Variants in IFIT1 observed in about 807,000 individuals in gnomAD.
IFIT1 encodes antiviral innate immune response effector IFIT1.
Under a neutral mutation model 2.5 loss-of-function variants are expected in IFIT1, and 1 was observed. The observed-to-expected ratio is 0.40, with a 90% CI of 0.14 to 1.92. IFIT1 has a LOEUF of 1.92. Among genes scored for constraint, IFIT1 ranks in the 40% most tolerant of loss-of-function variants. IFIT1 has a pLI of 0.31. For synonymous variants in IFIT1, 191 were observed against 201.7 expected, an observed-to-expected ratio of 0.95 and a Z score of 0.45; for missense variants, 508 against 557.8, an observed-to-expected ratio of 0.91 and a Z score of 0.90.
intron 1 of IFIT1, among the ~76,000 whole-genome samples, chr10:89,394,627 T>TAA (rs200724657): frequency 5.7e-5 from 2 of 35,096 alleles, no homozygotes; most frequent in Admixed American, 3.5e-4. Flanking sequence ...TATATATATA[T>TAA]AAAACTTGAA....
chr10:89,400,410 G>T (rs1481210160), intron 1 of IFIT1, among the ~76,000 whole-genome samples: 1 of 152,140 alleles, frequency 6.6e-6, no homozygotes, highest in Non-Finnish European at 1.5e-5. Flanking sequence ...CACGAACAAA[G>T]GATGTCCTTC....
Position 89,404,617 on chromosome 10 carries a change from A to C in IFIT1, c.*905A>C, listed in dbSNP as rs1844499175. ...CTGTAATACCCTCCCTTCCTCCAAG[A>C]GCCTGCTTTTGGTTGCTGTGGTAGG... is the stretch of plus-strand genomic sequence containing the variant. On this transcript the variant is annotated 3_prime_UTR_variant, in exon 2 of 2. Transcript: ENST00000371804. 6.6e-6 allele frequency: 1 copy of C among 152,192 alleles called. No homozygotes were observed. Among genetic ancestry groups the C allele is most frequent in the South Asian group, 2.1e-4 (1 of 4,830 alleles). The allele number at this position is 152,192 out of a possible 1,614,324, so 9.4% of individuals were successfully genotyped here. A position where few individuals can be genotyped will look rare whatever the true frequency, so the allele number is the denominator to read the frequency against.
chr10:89,399,955 G>C (rs2133625014), intron 1 of IFIT1, among the ~76,000 whole-genome samples: 1 of 152,284 alleles, frequency 6.6e-6, no homozygotes, highest in South Asian at 2.1e-4. Context: ...TCCTTGCCAG[G>C]AACCAAATTG....
intron 1 of IFIT1, among the ~76,000 whole-genome samples, chr10:89,399,323 G>T (rs1844388519): frequency 6.6e-6 from 1 of 151,964 alleles, no homozygotes; most frequent in East Asian, 1.9e-4. Context: ...TCTGTGATTT[G>T]TCTTATCACT....
chr10:89,393,261 G>T (rs1844284484), intron 1 of IFIT1: 1 of 1,289,740 alleles, frequency 7.8e-7, no homozygotes, highest in Non-Finnish European at 1.0e-6. Context: ...CTGCACTGCT[G>T]GCCTCTTACA....
chr10:89,393,189 T>C (rs1287288024), intron 1 of IFIT1: 2 of 1,290,022 alleles, frequency 1.6e-6, no homozygotes, highest in East Asian at 5.5e-5. Context: ...TTGTGGGTAA[T>C]ACAGTGGAGA....
chr10:89,405,288 T>A lies in IFIT1; in HGVS notation c.*1576T>A, dbSNP rs1301544319. 1 of 152,236 alleles carries A rather than the reference T, an allele frequency of 6.6e-6. No individual in the cohort carries two copies. The highest frequency in any genetic ancestry group is 2.4e-5 in the African/African-American group (1 of 41,468). 9.4% of individuals were successfully genotyped at this position (152,236 alleles called of 1,614,324 possible). ...TCTAGTTAAATCAAGAAATATTACA[T>A]GAAAATGTTGCTAAATCAGAGATCA... On this transcript the variant is annotated 3_prime_UTR_variant, in exon 2 of 2. Transcript: ENST00000371804.
At chr10:89,399,624 C>A (rs559216066) in intron 1 of IFIT1, among the ~76,000 whole-genome samples, 1 of 152,098 alleles carries the variant, frequency 6.6e-6, no homozygotes, top group South Asian at 2.1e-4. Flanking sequence ...GTTGAAAAGA[C>A]CATCCTTTCC....
At chr10:89,394,611 TATATATATATATATATAA>T (rs1369738912) in intron 1 of IFIT1, among the ~76,000 whole-genome samples, 345 of 16,550 alleles carry the variant, frequency 0.021, 19 homozygotes, top group African/African-American at 0.074. Context: ...TATATATATA[TATATATATATATATATAA>T]AACTTGAATT....
chr10:89,404,602 C>G lies in IFIT1; in HGVS notation c.*890C>G, dbSNP rs976169475. On this transcript the variant is annotated 3_prime_UTR_variant, in exon 2 of 2. Transcript: ENST00000371804. ...CCAACCATAAAACTTCTGTAATACC[C>G]TCCCTTCCTCCAAGAGCCTGCTTTT... is the stretch of plus-strand genomic sequence containing the variant. 6.6e-6 allele frequency: 1 copy of G among 152,246 alleles called. No individual in the cohort carries two copies. The highest frequency in any genetic ancestry group is 1.9e-4 in the East Asian group (1 of 5,196). 9.4% of individuals were successfully genotyped at this position (152,246 alleles called of 1,614,324 possible).
At chr10:89,392,743 A>G (rs772991412) in intron 1 of IFIT1, 26 bp downstream of exon 1, 4 of 1,612,742 alleles carry the variant, frequency 2.5e-6, no homozygotes, top group South Asian at 1.1e-5. Context: ...CTCCTCTGCC[A>G]TAATGTCTAA....
chr10:89,392,746 A>G (rs763031820), intron 1 of IFIT1, 29 bp downstream of exon 1: 1 of 1,612,266 alleles, frequency 6.2e-7, no homozygotes, highest in South Asian at 1.1e-5. Flanking sequence ...CTCTGCCATA[A>G]TGTCTAAAGT....
chr10:89,402,626 C>A lies in IFIT1; in HGVS notation c.351C>A (p.Tyr117Ter), dbSNP rs1386082307. 1 of 1,614,210 alleles carries A rather than the reference C, an allele frequency of 6.2e-7. No individual in the cohort carries two copies. The highest frequency in any genetic ancestry group is 8.5e-7 in the Non-Finnish European group (1 of 1,180,036). The stretch of plus-strand genomic sequence containing the variant: ...GCAGACTGGCAGAAGCCCAGACTTA[C>A]CTGGACAAGGTGGAGAACATTTGCA... The part of the protein sequence containing the change: ...HMGRLAEAQT[Y>*]LDKVENICKK... The change falls in exon 2 of 2, where the codon TAC becomes TAA. Residue 117 changes from tyrosine to a stop codon, truncating the protein, a stop_gained. Transcript: ENST00000371804. LOFTEE classifies it low-confidence loss of function (END_TRUNC).
Position 89,403,716 on chromosome 10 carries a change from C to A in IFIT1, c.*4C>A, listed in dbSNP as rs775640877. 3 of 1,485,976 alleles carry A rather than the reference C, an allele frequency of 2.0e-6. No individual in the cohort carries two copies. The African/African-American group carries it at 4.2e-5, about 21-fold the overall frequency. 92.0% of individuals were successfully genotyped at this position (1,485,976 alleles called of 1,614,324 possible). ...CTCTGTGAGACAAGGTCCTTAGGCA[C>A]CCAGATATCAGCCACTTTCACATTT... On this transcript the variant is annotated 3_prime_UTR_variant, in exon 2 of 2. Coordinates refer to ENST00000371804, the MANE Select transcript of IFIT1 (RefSeq NM_001548.5).
Position 89,402,469 on chromosome 10 carries a change from A to T in IFIT1, c.194A>T (p.Lys65Ile). The T allele has an allele frequency of 6.2e-7, 1 of 1,614,204 alleles. No homozygotes were observed. The change falls in exon 2 of 2, where the codon AAA (lysine) becomes ATA (isoleucine). Residue 65 changes from lysine to isoleucine, a missense_variant. Lys to Ile is a moderately radical substitution (Grantham distance 102). Transcript: ENST00000371804. ...HNLLAYVKHL[K>I]GQNEEALKSL... is the part of the protein sequence containing the mutation. The stretch of plus-strand genomic sequence containing the variant: ...CTACTAGCCTATGTGAAACACCTGA[A>T]AGGCCAGAATGAGGAAGCCCTGAAG...
At chr10:89,395,253 C>G (rs753183576) in intron 1 of IFIT1, among the ~76,000 whole-genome samples, 17 of 148,556 alleles carry the variant, frequency 1.1e-4, no homozygotes, top group Non-Finnish European at 2.2e-4. Flanking sequence ...GACCCCTTGG[C>G]AAAATTGCAC....
chr10:89,392,786 TCAACAGG>T, intron 1 of IFIT1, 69 bp downstream of exon 1: 1 of 1,517,224 alleles, frequency 6.6e-7, no homozygotes, highest in Non-Finnish European at 9.2e-7. Context: ...AAATACTATT[TCAACAGG>T]TTAGATCTCA....
Position 89,402,686 on chromosome 10 carries a change from G to C in IFIT1, c.411G>C (p.Glu137Asp). ...KLSNPFRYRM[E>D]CPEIDCEEGW... ...CAAATCCCTTCCGCTATAGAATGGA[G>C]TGTCCAGAAATAGACTGTGAGGAAG... Residue 137 changes from glutamate to aspartate, a missense_variant, in exon 2 of 2, where the codon GAG becomes GAC. Coordinates refer to ENST00000371804, the MANE Select transcript of IFIT1 (RefSeq NM_001548.5). 1 of 1,614,198 alleles carries C rather than the reference G, an allele frequency of 6.2e-7. No individual in the cohort carries two copies. The highest frequency in any genetic ancestry group is 8.5e-7 in the Non-Finnish European group (1 of 1,180,012).
At position 89,402,352 on chromosome 10, in the gene IFIT1, C is replaced by T. The variant is rs756318319; in HGVS notation, c.77C>T (p.Ser26Phe). The T allele has an allele frequency of 6.2e-7, 1 of 1,614,060 alleles. No individual in the cohort carries two copies. The highest frequency in any genetic ancestry group is 8.5e-7 in the Non-Finnish European group (1 of 1,179,948). ...QLRCHFTWEL[S>F]IDDDEMPDLE... ...AGATGTCACTTTACATGGGAGTTATCCATTGATGACGATGAAATGCCTGAT... is the reference window on the plus strand; with the variant it reads ...AGATGTCACTTTACATGGGAGTTATTCATTGATGACGATGAAATGCCTGAT... Residue 26 changes from serine (S) to phenylalanine (F), a missense_variant, in exon 2 of 2, where the codon TCC becomes TTC. Transcript: ENST00000371804.
Sources: allele counts gnomAD v4.1 joint callset (sites outside exome capture counted in the v4.1 genomes callset), GRCh38; gene constraint gnomAD v4.1.1; transcripts MANE v1.5; gene names NCBI Gene and HGNC (gene_info 2026-07-23, HGNC 2026-07-21).